DRAM1: variants seen among roughly 807,000 people sequenced by gnomAD.
DRAM1 encodes the protein DNA damage regulated autophagy modulator 1, also known as DNA damage-regulated autophagy modulator protein 1.
DRAM1 carries 25 observed loss-of-function variants against 28.5 expected under a neutral mutation model. That is an observed-to-expected ratio of 0.88 (90% CI 0.64 to 1.23). DRAM1 has a LOEUF of 1.23. Ranked by LOEUF, DRAM1 falls within the 50% of genes most tolerant of loss-of-function variation. DRAM1 has a pLI of 0.00. For missense variants in DRAM1, 249 were observed against 299.2 expected, an observed-to-expected ratio of 0.83 and a Z score of 1.24; for synonymous variants, 113 against 114.2, an observed-to-expected ratio of 0.99 and a Z score of 0.07.
chr12:101,895,726 G>A lies in DRAM1; in HGVS notation c.132-2137G>A, dbSNP rs139637717. ...GCTGGGATTACCGGCGTCTGCCACC[G>A]CGCCTGGCTAATTTTTTATATGTTT... On this transcript the variant is annotated intron_variant, in intron 1 of 6. Transcript: ENST00000258534. 2.4e-4 allele frequency among the ~76,000 whole-genome samples: 35 copies of A among 143,686 alleles called. No individual in the cohort carries two copies. The East Asian group carries it at 6.5e-3, about 27-fold the overall frequency. The allele number at this position is 143,686 out of a possible 152,430, so 94.3% of individuals were successfully genotyped here. A position where few individuals can be genotyped will look rare whatever the true frequency, so the allele number is the denominator to read the frequency against.
Position 101,901,374 on chromosome 12 carries a change from G to T in DRAM1, c.283G>T (p.Val95Leu). Residue 95 changes from valine to leucine, a missense_variant, in exon 3 of 7, where the codon GTG becomes TTG. Transcript: ENST00000258534. Reference sequence around the variant, plus strand: ...TTTCAGCACTCCTGTTTTTAACTTGGTGTCTTTAGTGCTTGGATTGGTGGG... The same window carrying T: ...TTTCAGCACTCCTGTTTTTAACTTGTTGTCTTTAGTGCTTGGATTGGTGGG... Reference protein sequence around the residue: ...CYFSTPVFNLVSLVLGLVGCF... With the variant: ...CYFSTPVFNLLSLVLGLVGCF... 6.2e-7 allele frequency: 1 copy of T among 1,614,104 alleles called. No individual in the cohort carries two copies.
At chr12:101,920,293 CTTTCT>C in intron 6 of DRAM1, 92 bp downstream of exon 6, 2 of 262,192 alleles carry the variant, frequency 7.6e-6, no homozygotes, top group South Asian at 7.3e-5. Context: ...AAAAAGAGCA[CTTTCT>C]TTTTTTTTTT....
At chr12:101,884,059 G>A (rs74240201) in intron 1 of DRAM1, among the ~76,000 whole-genome samples, 5,424 of 151,656 alleles carry the variant, frequency 0.036, 294 homozygotes, top group East Asian at 0.23. Flanking sequence ...CATATCAAAA[G>A]GAAGGACAAA....
At chr12:101,914,428 T>G (rs1332728746) in intron 5 of DRAM1, among the ~76,000 whole-genome samples, 196 bp downstream of exon 5, 1 of 152,118 alleles carries the variant, frequency 6.6e-6, no homozygotes, top group Non-Finnish European at 1.5e-5. Flanking sequence ...TCCAAATGCT[T>G]CCTGGAAGTA....
At chr12:101,885,119 C>T (rs1437695956) in intron 1 of DRAM1, among the ~76,000 whole-genome samples, 1 of 151,964 alleles carries the variant, frequency 6.6e-6, no homozygotes, top group East Asian at 1.9e-4. Flanking sequence ...TTTTAGTAGA[C>T]ACGGGGTTTC....
intron 1 of DRAM1, among the ~76,000 whole-genome samples, chr12:101,883,921 G>A (rs1436047486): frequency 2.8e-5 from 4 of 144,250 alleles, no homozygotes; most frequent in East Asian, 2.1e-4. Context: ...GTGATAGAGC[G>A]AGACTCTTTC....
chr12:101,890,077 T>C (rs954086639), intron 1 of DRAM1: 39 of 452,966 alleles, frequency 8.6e-5, no homozygotes, highest in Non-Finnish European at 1.5e-4. Flanking sequence ...TTTTTCTTTT[T>C]TGATTTTTAT....
At chr12:101,889,940 CAAAAAAAA>C in intron 1 of DRAM1, 2 of 239,182 alleles carry the variant, frequency 8.4e-6, no homozygotes, top group African/African-American at 5.8e-5. Context: ...GACTCTGTCT[CAAAAAAAA>C]AAAAAAAAAA....
At chr12:101,917,575 A>G (rs888629103) in intron 5 of DRAM1, among the ~76,000 whole-genome samples, 1 of 151,822 alleles carries the variant, frequency 6.6e-6, no homozygotes, top group South Asian at 2.1e-4. Context: ...AGTCCCAGCT[A>G]CTTGGGAGGC....
chr12:101,890,075 T>G (rs1398801376), intron 1 of DRAM1: 1 of 453,332 alleles, frequency 2.2e-6, no homozygotes, highest in Admixed American at 2.4e-5. Flanking sequence ...CTTTTTTCTT[T>G]TTTGATTTTT....
At chr12:101,894,922 G>A (rs935043955) in intron 1 of DRAM1, among the ~76,000 whole-genome samples, 2 of 152,176 alleles carry the variant, frequency 1.3e-5, no homozygotes, top group African/African-American at 4.8e-5. Flanking sequence ...AAGAACTCTA[G>A]GATGAGTCAC....
At chr12:101,896,347 G>A (rs1873373879) in intron 1 of DRAM1, among the ~76,000 whole-genome samples, 1 of 152,222 alleles carries the variant, frequency 6.6e-6, no homozygotes, top group Non-Finnish European at 1.5e-5. Context: ...TTTCAGAGCT[G>A]TTTACAAATG....
chr12:101,890,803 T>C (rs1594294873), intron 1 of DRAM1, among the ~76,000 whole-genome samples: 1 of 146,476 alleles, frequency 6.8e-6, no homozygotes, highest in Non-Finnish European at 1.5e-5. Flanking sequence ...CAGGCTGGAG[T>C]GCAATGGCGT....
chr12:101,920,788 G>A (rs1874453801), intron 6 of DRAM1, among the ~76,000 whole-genome samples: 1 of 152,118 alleles, frequency 6.6e-6, no homozygotes, highest in African/African-American at 2.4e-5. Context: ...GCACATGCCT[G>A]TATTCCCAGC....
At position 101,920,221 on chromosome 12, in the gene DRAM1, A is replaced by T. The variant is rs766958063; in HGVS notation, c.672+20A>T. 1 of 1,549,980 alleles carries T rather than the reference A, an allele frequency of 6.5e-7. No homozygotes were observed. Among genetic ancestry groups the T allele is most frequent in the African/African-American group, 1.4e-5 (1 of 73,136 alleles). On this transcript the variant is annotated intron_variant, in intron 6 of 6. Transcript: ENST00000258534. ...TTCCAGGTAGGTGTTTATCAATTCA[A>T]ATGTTTTAAATTGCGGACAATTAGG...
chr12:101,895,827 C>T (rs1873347073), intron 1 of DRAM1, among the ~76,000 whole-genome samples: 2 of 152,020 alleles, frequency 1.3e-5, no homozygotes, highest in East Asian at 1.9e-4. Context: ...GCCTCGGGCT[C>T]CCGTAGTGCT....
intron 3 of DRAM1, among the ~76,000 whole-genome samples, chr12:101,906,858 AAAAAAAAAAAAAAAAGAAAAG>A (rs1873831181): frequency 7.1e-6 from 1 of 140,972 alleles, no homozygotes; most frequent in Admixed American, 6.8e-5. Flanking sequence ...CTGCCTCAAA[AAAAAAAAAAAAAAAAGAAAAG>A]AAAAGAAAAG....
At chr12:101,919,765 A>G (rs918635941) in intron 5 of DRAM1, among the ~76,000 whole-genome samples, 1 of 152,246 alleles carries the variant, frequency 6.6e-6, no homozygotes, top group African/African-American at 2.4e-5. Context: ...AGCGAGACCA[A>G]GTCATGCCTT....
intron 1 of DRAM1, among the ~76,000 whole-genome samples, chr12:101,895,199 T>G (rs1873309242): frequency 7.7e-6 from 1 of 129,266 alleles, no homozygotes; most frequent in East Asian, 2.1e-4. Flanking sequence ...TTTTTTTTTT[T>G]TTTTTTTTTT....
Sources: gnomAD v4.1 joint callset for allele counts (sites outside exome capture counted in the v4.1 genomes callset) on GRCh38, gnomAD v4.1.1 for gene constraint, MANE v1.5 for transcripts, NCBI Gene and HGNC (gene_info 2026-07-23, HGNC 2026-07-21) for gene names.